PSIP1: variants seen among roughly 807,000 people sequenced by gnomAD.
PSIP1 encodes PC4 and SFRS1-interacting protein.
PSIP1 carries 19 observed loss-of-function variants against 74.7 expected under a neutral mutation model. That is an observed-to-expected ratio of 0.25 (90% CI 0.18 to 0.37). PSIP1 has a LOEUF of 0.37. PSIP1 is among the 10% of genes least tolerant of loss of function. The probability of loss-of-function intolerance (pLI) is 1.00; values close to 1 mark genes in which losing one functional copy is unlikely to be tolerated. For missense variants in PSIP1, 601 were observed against 614.3 expected, an observed-to-expected ratio of 0.98 and a Z score of 0.23; for synonymous variants, 222 against 195.3, an observed-to-expected ratio of 1.14 and a Z score of -1.14.
chr9:15,482,706 A>AT (rs1212445319), intron 6 of PSIP1, among the ~76,000 whole-genome samples: 1 of 152,332 alleles, frequency 6.6e-6, no homozygotes, highest in Middle Eastern at 3.4e-3. Flanking sequence ...GTGTTAAGGC[A>AT]TTTACTGTCT....
At chr9:15,497,648 A>C (rs762573646) in intron 3 of PSIP1, among the ~76,000 whole-genome samples, 30 of 152,220 alleles carry the variant, frequency 2.0e-4, no homozygotes, top group Admixed American at 4.6e-4. Context: ...TGAAGTGCCC[A>C]GAATAGGAAG....
At chr9:15,466,282 G>C (rs1412472901) in intron 15 of PSIP1, among the ~76,000 whole-genome samples, 1 of 151,888 alleles carries the variant, frequency 6.6e-6, no homozygotes, top group African/African-American at 2.4e-5. Context: ...GGGAGGCTGA[G>C]GCAGGAGAAT....
At chr9:15,497,539 C>A (rs2037139603) in intron 3 of PSIP1, among the ~76,000 whole-genome samples, 1 of 152,030 alleles carries the variant, frequency 6.6e-6, no homozygotes, top group African/African-American at 2.4e-5. Flanking sequence ...GTTGTCCAGG[C>A]TGGTCTCGAA....
intron 1 of PSIP1, among the ~76,000 whole-genome samples, 171 bp from the exon 2 acceptor site, chr9:15,510,500 A>T (rs2037818975): frequency 6.6e-6 from 1 of 151,758 alleles, no homozygotes; most frequent in African/African-American, 2.4e-5. Flanking sequence ...CCACCCCGCC[A>T]CCGAAGAGAC....
At chr9:15,505,708 G>A (rs1271483224) in intron 3 of PSIP1, 1 of 152,166 alleles carries the variant, frequency 6.6e-6, no homozygotes, top group Admixed American at 6.5e-5. Flanking sequence ...TTAAGCAGGT[G>A]AACTTCTTTG....
rs527542739 is a variant in PSIP1, at chr9:15,464,774, G to A, written c.*746C>T. 7 of 206,070 alleles carry A rather than the reference G, an allele frequency of 3.4e-5. No homozygotes were observed. Among genetic ancestry groups the A allele is most frequent in the Non-Finnish European group, 4.0e-5 (4 of 100,964 alleles). The allele number at this position is 206,070 out of a possible 1,614,324, so 12.8% of individuals were successfully genotyped here. A position where few individuals can be genotyped will look rare whatever the true frequency, so the allele number is the denominator to read the frequency against. On this transcript the variant is annotated 3_prime_UTR_variant, in exon 16 of 16. Coordinates refer to ENST00000380733, the MANE Select transcript of PSIP1 (RefSeq NM_033222.5). ...CTTAAATGATTTAACCCTAAAGCCA[G>A]ATTCATTCCTATATATACCCAGTCA...
At chr9:15,469,628 A>G (rs1414795891) in intron 11 of PSIP1, among the ~76,000 whole-genome samples, 6 of 152,138 alleles carry the variant, frequency 3.9e-5, no homozygotes, top group Admixed American at 2.0e-4. Context: ...CAGTCCCCAA[A>G]CACCTGCTTT....
intron 10 of PSIP1, chr9:15,471,810 A>G (rs2035843140): frequency 1.2e-5 from 11 of 953,306 alleles, no homozygotes; most frequent in African/African-American, 1.8e-5. Context: ...ACTGCTCATC[A>G]TTAACTTTGT....
At chr9:15,497,733 T>C (rs139738724) in intron 3 of PSIP1, among the ~76,000 whole-genome samples, 2 of 152,232 alleles carry the variant, frequency 1.3e-5, no homozygotes, top group South Asian at 4.1e-4. Context: ...TGCTAATGAA[T>C]ACATGGTTTC....
At chr9:15,491,317 A>G (rs1017286723) in intron 3 of PSIP1, among the ~76,000 whole-genome samples, 1 of 152,246 alleles carries the variant, frequency 6.6e-6, no homozygotes, top group Non-Finnish European at 1.5e-5. Flanking sequence ...AGACTGCAAA[A>G]AAGATACTTG....
chr9:15,488,401 T>C (rs1049827624), intron 4 of PSIP1, among the ~76,000 whole-genome samples: 1 of 152,084 alleles, frequency 6.6e-6, no homozygotes, highest in African/African-American at 2.4e-5. Context: ...CTTCTTTAGA[T>C]TTACTCGTGC....
intron 3 of PSIP1, among the ~76,000 whole-genome samples, chr9:15,495,298 A>G (rs2037023097): frequency 6.8e-6 from 1 of 147,200 alleles, no homozygotes; most frequent in South Asian, 2.1e-4. Flanking sequence ...TTACTGTATA[A>G]AAGATAAATT....
intron 4 of PSIP1, among the ~76,000 whole-genome samples, chr9:15,489,608 CAAA>C (rs1278277874): frequency 4.4e-5 from 2 of 45,536 alleles, no homozygotes; most frequent in Non-Finnish European, 5.1e-5. Context: ...AACTACACCT[CAAA>C]AAAAAAAAAA....
intron 2 of PSIP1, 137 bp from the exon 3 acceptor site, chr9:15,506,774 C>T: frequency 1.7e-6 from 1 of 604,770 alleles, no homozygotes; most frequent in Non-Finnish European, 2.6e-6. Flanking sequence ...ATCTCCTATC[C>T]CCAAATCTGA....
At chr9:15,465,640 A>G (rs2035573261) in intron 15 of PSIP1, 60 bp from the exon 16 acceptor site, 1 of 1,355,362 alleles carries the variant, frequency 7.4e-7, no homozygotes, top group Non-Finnish European at 1.0e-6. Context: ...GAAGGAAAAA[A>G]AGACATTAAG....
In PSIP1 at chr9:15,465,447, C is replaced by T. The variant is rs989083009; in HGVS notation, c.*73G>A. ...AACCTATGCTTATAAAAATTTAAAA[C>T]TTTCAGCAGTCTATTTCAAATGAAA... On this transcript the variant is annotated 3_prime_UTR_variant, in exon 16 of 16. Transcript: ENST00000380733. 7.5e-7 allele frequency: 1 copy of T among 1,324,994 alleles called. No individual in the cohort carries two copies. Among genetic ancestry groups the T allele is most frequent in the African/African-American group, 1.5e-5 (1 of 66,344 alleles). The allele number at this position is 1,324,994 out of a possible 1,614,324, so 82.1% of individuals were successfully genotyped here.
chr9:15,487,816 A>C lies in PSIP1; in HGVS notation c.289-885T>G, dbSNP rs531306465. Among the ~76,000 whole-genome samples the C allele has an allele frequency of 3.9e-5, 6 of 152,362 alleles. No homozygotes were observed. In the South Asian group the frequency reaches 1.2e-3, roughly 32 times the overall value. ...ATAAACCTTTGTTCACAGAGGCAAC[A>C]TAATATTCTGTAGCAGGTACAGACA... On this transcript the variant is annotated intron_variant, in intron 4 of 15. Transcript: ENST00000380733.
intron 2 of PSIP1, 47 bp downstream of exon 2, chr9:15,510,070 G>A (rs201496057): frequency 1.2e-5 from 18 of 1,544,054 alleles, no homozygotes; most frequent in East Asian, 7.2e-5. Context: ...GCAGGCCTCT[G>A]GAGAGGAGGG....
intron 3 of PSIP1, among the ~76,000 whole-genome samples, chr9:15,501,988 G>A (rs1045464468): frequency 6.6e-6 from 1 of 152,008 alleles, no homozygotes; most frequent in Non-Finnish European, 1.5e-5. Context: ...ATTACCACCT[G>A]AGCTCTGCCT....
Sources: gnomAD v4.1 joint callset for allele counts (sites outside exome capture counted in the v4.1 genomes callset) on GRCh38, gnomAD v4.1.1 for gene constraint, MANE v1.5 for transcripts, NCBI Gene and HGNC (gene_info 2026-07-23, HGNC 2026-07-21) for gene names.